The following CDC25C variants were observed in gnomAD, a reference collection of about 807,000 sequenced individuals.
CDC25C encodes the protein M-phase inducer phosphatase 3.
A neutral mutation model predicts 52.5 loss-of-function variants in CDC25C; 48 were observed. The ratio of observed to expected loss-of-function variants is 0.91; its 90% CI spans 0.72 to 1.16. CDC25C has a LOEUF of 1.16. Among genes scored for constraint, CDC25C ranks in the 50% most tolerant of loss-of-function variants. The probability of loss-of-function intolerance (pLI) is 0.00; values close to 1 mark genes in which losing one functional copy is unlikely to be tolerated. For missense variants in CDC25C, 510 were observed against 566.1 expected (o/e 0.90, Z 1.01); for synonymous variants, 187 against 206.5 (o/e 0.91, Z 0.81).
Position 138,303,216 on chromosome 5 carries a change from C to T in CDC25C, c.616-11100G>A, listed in dbSNP as rs143904603. On this transcript the variant is annotated intron_variant, in intron 7 of 13. Coordinates refer to ENST00000323760, the MANE Select transcript of CDC25C (RefSeq NM_001790.5). ...TACTCAATGTATAAAAAGCTGAATGCTTTTCTCTAAGCTCAGGTGTAAGGC... is the reference window on the plus strand; with the variant it reads ...TACTCAATGTATAAAAAGCTGAATGTTTTTCTCTAAGCTCAGGTGTAAGGC... Among the ~76,000 whole-genome samples, 372 of 152,240 alleles carry T rather than the reference C, an allele frequency of 2.4e-3. 2 individuals are homozygous for T. The highest frequency in any genetic ancestry group is 7.9e-3 in the African/African-American group (327 of 41,548).
At chr5:138,331,517 T>C (rs953444946) in intron 1 of CDC25C, 78 bp downstream of exon 1, 9 of 1,067,628 alleles carry the variant, frequency 8.4e-6, no homozygotes, top group Non-Finnish European at 1.1e-5. Context: ...CCAACCTCTG[T>C]CTGTGGGGGC....
intron 6 of CDC25C, among the ~76,000 whole-genome samples, chr5:138,322,568 C>T (rs1463814078): frequency 2.0e-5 from 3 of 148,606 alleles, no homozygotes; most frequent in Non-Finnish European, 3.0e-5. Context: ...CTCCGCCTCC[C>T]GGGTTCACGC....
intron 7 of CDC25C, among the ~76,000 whole-genome samples, chr5:138,299,640 T>A (rs1185340654): frequency 6.6e-6 from 1 of 151,796 alleles, no homozygotes; most frequent in Admixed American, 6.6e-5. Flanking sequence ...CCAAAGCTTA[T>A]GGGATACAGC....
chr5:138,320,073 G>A (rs1338273801), intron 6 of CDC25C, among the ~76,000 whole-genome samples: 5 of 152,198 alleles, frequency 3.3e-5, no homozygotes, highest in Admixed American at 6.5e-5. Flanking sequence ...TCGGGAGGCC[G>A]AGGCCAGCAG....
At chr5:138,331,246 T>C (rs767839685) in intron 1 of CDC25C, 28 bp from the exon 2 acceptor site, 2 of 1,433,654 alleles carry the variant, frequency 1.4e-6, no homozygotes, top group Non-Finnish European at 9.8e-7. Context: ...TCTAAATCGG[T>C]ACATCACAGT....
At chr5:138,315,509 TAAG>T (rs1464130708) in intron 7 of CDC25C, among the ~76,000 whole-genome samples, 1 of 152,178 alleles carries the variant, frequency 6.6e-6, no homozygotes, top group African/African-American at 2.4e-5. Context: ...TGTATATACT[TAAG>T]GAGTACAATA....
chr5:138,313,067 G>T (rs951282236), intron 7 of CDC25C, among the ~76,000 whole-genome samples: 1 of 151,824 alleles, frequency 6.6e-6, no homozygotes. Context: ...GGGAGTTATT[G>T]TTTATGGGGT....
chr5:138,296,605 A>T (rs1323721936), intron 7 of CDC25C, among the ~76,000 whole-genome samples: 9 of 133,810 alleles, frequency 6.7e-5, no homozygotes, highest in African/African-American at 2.3e-4. Flanking sequence ...ATTATTATTA[A>T]TTATTTTTTT....
upstream of CDC25C, among the ~76,000 whole-genome samples, chr5:138,334,471 C>T (rs974774017): frequency 6.6e-6 from 1 of 152,126 alleles, no homozygotes; most frequent in Non-Finnish European, 1.5e-5. Context: ...CTTGCCTCAG[C>T]CTCCTGAGTA....
intron 7 of CDC25C, among the ~76,000 whole-genome samples, chr5:138,308,288 C>T (rs1406270909): frequency 6.6e-6 from 1 of 152,032 alleles, no homozygotes. Context: ...TCTTCAATCA[C>T]CAGAGAAAGA....
intron 7 of CDC25C, among the ~76,000 whole-genome samples, chr5:138,316,823 A>C (rs914053466): frequency 3.9e-5 from 6 of 152,118 alleles, no homozygotes; most frequent in Admixed American, 6.5e-5. Context: ...ATACGGGATA[A>C]GACAAACTGC....
rs3734166 is a variant in CDC25C at position 138,329,634 on chromosome 5, G to A, written c.208C>T (p.Arg70Cys). The A allele has an allele frequency of 0.28, 452,798 of 1,601,042 alleles. 69,508 individuals are homozygous for A. Among genetic ancestry groups the A allele is most frequent in the East Asian group, 0.58 (25,940 of 44,718 alleles). ...LSILSGGTPK[R>C]CLDLSNLSSG... is the part of the protein sequence containing the mutation. ...CTAAGATTCGAAAGATCGAGGCAAC[G>A]TTTTGGGGTTCCTCTGTTGAGACAT... The change falls in exon 3 of 14, where the codon CGT (arginine) becomes TGT (cysteine). Residue 70 changes from arginine to cysteine, a missense_variant. Arg to Cys is a radical substitution (Grantham distance 180). Coordinates refer to ENST00000323760, the MANE Select transcript of CDC25C (RefSeq NM_001790.5).
chr5:138,331,001 T>G lies in CDC25C; in HGVS notation c.180A>C (p.Leu60=). The change falls in exon 2 of 14, where the codon CTA becomes CTC. Residue 60 remains leucine (L), a synonymous_variant. Coordinates refer to ENST00000323760, the MANE Select transcript of CDC25C (RefSeq NM_001790.5). Reference sequence around the variant, plus strand: ...AGTATATTTACCCAGACAAAATGCTTAGGTTTGCAGAATCACCAAGAAATT... The same window carrying G: ...AGTATATTTACCCAGACAAAATGCTGAGGTTTGCAGAATCACCAAGAAATT... ...VGKFLGDSAN[L]SILSGGTPKR... The G allele has an allele frequency of 6.2e-7, 1 of 1,610,218 alleles. No individual in the cohort carries two copies. Among genetic ancestry groups the G allele is most frequent in the Non-Finnish European group, 8.5e-7 (1 of 1,176,466 alleles).
At chr5:138,312,727 G>T (rs1229179819) in intron 7 of CDC25C, among the ~76,000 whole-genome samples, 1 of 152,178 alleles carries the variant, frequency 6.6e-6, no homozygotes, top group Non-Finnish European at 1.5e-5. Flanking sequence ...GGCACAGAGT[G>T]CCAGTTTTCC....
At chr5:138,320,072 C>T (rs576988601) in intron 6 of CDC25C, among the ~76,000 whole-genome samples, 7 of 152,088 alleles carry the variant, frequency 4.6e-5, no homozygotes, top group Admixed American at 2.6e-4. Flanking sequence ...TTCGGGAGGC[C>T]GAGGCCAGCA....
Position 138,292,033 on chromosome 5 carries a change from C to T in CDC25C, c.699G>A (p.Lys233=), listed in dbSNP as rs866193069. 1.2e-6 allele frequency: 2 copies of T among 1,613,208 alleles called. No individual in the cohort carries two copies. Among genetic ancestry groups the T allele is most frequent in the Admixed American group, 3.3e-5 (2 of 59,902 alleles). Residue 233 remains lysine (K), a synonymous_variant, in exon 8 of 14, where the codon AAG becomes AAA. Coordinates refer to ENST00000323760, the MANE Select transcript of CDC25C (RefSeq NM_001790.5). The part of the protein sequence containing the change: ...RPRLKQVEKF[K]DNTIPDKVKK... ...TAACTTTATCTGGTATTGTGTTGTC[C>T]TTGAATTTTTCCACCTGCTTCAGTC...
At chr5:138,314,911 A>G (rs1408507855) in intron 7 of CDC25C, among the ~76,000 whole-genome samples, 1 of 137,226 alleles carries the variant, frequency 7.3e-6, no homozygotes, top group Non-Finnish European at 1.5e-5. Context: ...CTGACTCACC[A>G]TGCCCAGCCA....
At chr5:138,328,054 A>G (rs999010733) in intron 4 of CDC25C, among the ~76,000 whole-genome samples, 1 of 152,100 alleles carries the variant, frequency 6.6e-6, no homozygotes, top group African/African-American at 2.4e-5. Context: ...TTTAGTAGAG[A>G]CGGGGTTTCA....
chr5:138,308,729 A>G (rs1399410481), intron 7 of CDC25C, among the ~76,000 whole-genome samples: 1 of 152,120 alleles, frequency 6.6e-6, no homozygotes, highest in Non-Finnish European at 1.5e-5. Context: ...AATGAAATTA[A>G]AAATAAAATA....
Sources: allele counts gnomAD v4.1 joint callset (sites outside exome capture counted in the v4.1 genomes callset), GRCh38; gene constraint gnomAD v4.1.1; transcripts MANE v1.5; gene names NCBI Gene and HGNC (gene_info 2026-07-23, HGNC 2026-07-21).